The following CTIF variants were observed in gnomAD, a reference collection of about 807,000 sequenced individuals.
CTIF encodes the protein cap binding complex dependent translation initiation factor.
In CTIF, 21 loss-of-function variants were observed where a neutral mutation model predicts 66.0. The observed-to-expected ratio is 0.32, with a 90% confidence interval of 0.23 to 0.46. CTIF has a LOEUF of 0.46. CTIF is among the 20% of genes least tolerant of loss of function. CTIF has a pLI of 1.00. For missense variants in CTIF, 739 were observed against 812.7 expected, an observed-to-expected ratio of 0.91 and a Z score of 1.10; for synonymous variants, 345 against 326.4, an observed-to-expected ratio of 1.06 and a Z score of -0.62.
chr18:48,557,804 C>G (rs2089057948), intron 1 of CTIF, among the ~76,000 whole-genome samples: 2 of 152,202 alleles, frequency 1.3e-5, no homozygotes, highest in Non-Finnish European at 1.5e-5. Flanking sequence ...CTTGCTGGGT[C>G]CCACACGGTC....
intron 1 of CTIF, among the ~76,000 whole-genome samples, chr18:48,549,410 T>A (rs1301354393): frequency 6.6e-6 from 1 of 152,186 alleles, no homozygotes; most frequent in Non-Finnish European, 1.5e-5. Flanking sequence ...AACAGTGTAC[T>A]AACGATGGCT....
At chr18:48,603,598 G>A (rs997623736) in intron 1 of CTIF, among the ~76,000 whole-genome samples, 1 of 150,058 alleles carries the variant, frequency 6.7e-6, no homozygotes, top group Non-Finnish European at 1.5e-5. Context: ...TGGATAGATG[G>A]ATGAATGGGT....
intron 1 of CTIF, among the ~76,000 whole-genome samples, chr18:48,616,169 C>T (rs1173476680): frequency 6.6e-6 from 1 of 152,224 alleles, no homozygotes; most frequent in South Asian, 2.1e-4. Context: ...CCGACTGCAC[C>T]TGTTAGGTGT....
chr18:48,558,979 G>A (rs2089086573), intron 1 of CTIF, among the ~76,000 whole-genome samples: 1 of 152,212 alleles, frequency 6.6e-6, no homozygotes, highest in African/African-American at 2.4e-5. Context: ...ATCTGTAAGA[G>A]TTATGTTGTA....
At chr18:48,636,058 CCA>C (rs2090816017) in intron 2 of CTIF, among the ~76,000 whole-genome samples, 2 of 152,326 alleles carry the variant, frequency 1.3e-5, no homozygotes, top group African/African-American at 2.4e-5. Flanking sequence ...GGTTGTCAGA[CCA>C]CACTTTGGGA....
Position 48,626,644 on chromosome 18 carries a change from C to CGTTTTTTTTT in CTIF, c.180+6900_180+6909dup, listed in dbSNP as rs1311176920. ...ACAGTCATGAGCCACCGCACCTGGC[C>CGTTTTTTTTT]GTTTTTTTTTTGTTTTTTTTTTTTT... On this transcript the variant is annotated intron_variant, in intron 2 of 11. Coordinates refer to ENST00000256413, the MANE Select transcript of CTIF (RefSeq NM_014772.3). 1.6e-5 allele frequency among the ~76,000 whole-genome samples: 2 copies of CGTTTTTTTTT among 124,566 alleles called. 1 individual carries two copies. The highest frequency in any genetic ancestry group is 3.3e-5 in the Non-Finnish European group (2 of 60,250). The allele number at this position is 124,566 out of a possible 152,430, so 81.7% of individuals were successfully genotyped here.
At chr18:48,556,427 C>G (rs2089022903) in intron 1 of CTIF, among the ~76,000 whole-genome samples, 1 of 152,200 alleles carries the variant, frequency 6.6e-6, no homozygotes, top group Non-Finnish European at 1.5e-5. Context: ...AGGTGATGGT[C>G]TGCTCAGGCA....
At chr18:48,593,871 C>T (rs572799431) in intron 1 of CTIF, among the ~76,000 whole-genome samples, 4 of 152,112 alleles carry the variant, frequency 2.6e-5, no homozygotes, top group South Asian at 2.1e-4. Flanking sequence ...GGGGTTAGGG[C>T]CAGGCCCAGT....
At chr18:48,851,666 G>A (rs2069203544) in intron 10 of CTIF, among the ~76,000 whole-genome samples, 4 of 152,208 alleles carry the variant, frequency 2.6e-5, no homozygotes, top group South Asian at 2.1e-4. Context: ...TTCCCTCCCC[G>A]GGAGAAGCAT....
At chr18:48,837,457 G>C (rs1432072638) in intron 10 of CTIF, among the ~76,000 whole-genome samples, 1 of 152,132 alleles carries the variant, frequency 6.6e-6, no homozygotes, top group African/African-American at 2.4e-5. Flanking sequence ...AGCTGGGGAG[G>C]GCTGAGGTCT....
Position 48,834,988 on chromosome 18 carries a change from G to A in CTIF, c.1527+17612G>A, listed in dbSNP as rs1464040554. Among the ~76,000 whole-genome samples, 8 of 152,224 alleles carry A rather than the reference G, an allele frequency of 5.3e-5. No individual in the cohort carries two copies. The South Asian group carries it at 1.0e-3, about 20-fold the overall frequency. On this transcript the variant is annotated intron_variant, in intron 10 of 11. Transcript: ENST00000256413. ...AACTCCCTGCCAGCTTCCGGGAAGCGAAAAGCACCCTCTGTGAGAAGGGAA... is the reference window on the plus strand; with the variant it reads ...AACTCCCTGCCAGCTTCCGGGAAGCAAAAAGCACCCTCTGTGAGAAGGGAA...
intron 5 of CTIF, among the ~76,000 whole-genome samples, chr18:48,669,794 T>TATATAC (rs2091495413): frequency 5.3e-5 from 1 of 18,878 alleles, no homozygotes; most frequent in East Asian, 1.4e-3. Context: ...GCTAAACATT[T>TATATAC]ATATATATAT....
chr18:48,698,488 C>T (rs920589607), intron 6 of CTIF, among the ~76,000 whole-genome samples: 6 of 152,212 alleles, frequency 3.9e-5, no homozygotes, highest in Non-Finnish European at 8.8e-5. Flanking sequence ...GCTGGGATTA[C>T]AGGCATGAGC....
intron 1 of CTIF, among the ~76,000 whole-genome samples, chr18:48,587,327 A>G (rs1415899131): frequency 1.3e-5 from 2 of 151,836 alleles, no homozygotes; most frequent in East Asian, 1.9e-4. Flanking sequence ...TGATCCATCC[A>G]CCTCGGCCTC....
At position 48,765,421 on chromosome 18, in the gene CTIF, G is replaced by A. The variant is rs367952263; in HGVS notation, c.1371+3732G>A. Among the ~76,000 whole-genome samples the A allele has an allele frequency of 8.5e-5, 13 of 152,266 alleles. 1 individual carries two copies. In the South Asian group the frequency reaches 2.3e-3, roughly 27 times the overall value. ...TTCTGGGCCCCGGCTTAGCAATGCA[G>A]GCTACAAAGGGGCCAGGGTGTGAAG... On this transcript the variant is annotated intron_variant, in intron 9 of 11. Coordinates refer to ENST00000256413, the MANE Select transcript of CTIF (RefSeq NM_014772.3).
chr18:48,761,353 T>TCACTCAGGCACATTCACTCAGG lies in CTIF; in HGVS notation c.1072-21_1072-20insCTCAGGCACTCAGGCACATTCA, dbSNP rs1353602791. 6.3e-7 allele frequency: 1 copy of TCACTCAGGCACATTCACTCAGG among 1,597,128 alleles called. No homozygotes were observed. The highest frequency in any genetic ancestry group is 8.5e-7 in the Non-Finnish European group (1 of 1,169,666). On this transcript the variant is annotated intron_variant, in intron 8 of 11. Coordinates refer to ENST00000256413, the MANE Select transcript of CTIF (RefSeq NM_014772.3). The surrounding 1 kb of genome is among the most constrained non-coding windows in gnomAD (Gnocchi z 4.2). ...CCACCCCTGCACAGAGACCTCGGCTTCACTCAGGCACATTCATTTGTCTCC... is the reference window on the plus strand; with the variant it reads ...CCACCCCTGCACAGAGACCTCGGCTTCACTCAGGCACATTCACTCAGGCACTCAGGCACATTCATTTGTCTCC...
At chr18:48,808,619 G>A (rs1599085951) in intron 9 of CTIF, among the ~76,000 whole-genome samples, 3 of 149,674 alleles carry the variant, frequency 2.0e-5, no homozygotes, top group Admixed American at 1.3e-4. Flanking sequence ...CTGATACTTA[G>A]ACAGCTGTCC....
intron 10 of CTIF, chr18:48,834,788 G>C (rs2146485506): frequency 6.5e-6 from 1 of 152,840 alleles, no homozygotes; most frequent in African/African-American, 2.4e-5. Context: ...TGCCCTGCCA[G>C]CTCACACTGC....
intron 6 of CTIF, chr18:48,688,325 G>A (rs2091875626): frequency 6.6e-6 from 1 of 152,258 alleles, no homozygotes; most frequent in Admixed American, 6.5e-5. Flanking sequence ...CTCAGCCCCT[G>A]ATGTGGAGGA....
Sources: allele counts gnomAD v4.1 joint callset (sites outside exome capture counted in the v4.1 genomes callset), GRCh38; gene constraint gnomAD v4.1.1; non-coding constraint Gnocchi (gnomAD v3.1); transcripts MANE v1.5; gene names NCBI Gene and HGNC (gene_info 2026-07-23, HGNC 2026-07-21).